MCF2L2: variants seen among roughly 807,000 people sequenced by gnomAD.
MCF2L2 encodes the protein probable guanine nucleotide exchange factor MCF2L2.
Under a neutral mutation model 150.2 loss-of-function variants are expected in MCF2L2, and 102 were observed. The ratio of observed to expected loss-of-function variants is 0.68; its 90% CI spans 0.58 to 0.80. MCF2L2 has a LOEUF of 0.80. MCF2L2 is among the 30% of genes least tolerant of loss of function. MCF2L2 has a pLI of 0.00. For synonymous variants in MCF2L2, 465 were observed against 491.3 expected (o/e 0.95, Z 0.71); for missense variants, 1,256 against 1,372.8 (o/e 0.91, Z 1.34).
In MCF2L2 at chr3:183,179,531, C is replaced by A. The variant is rs774568367; in HGVS notation, c.3222-28G>T. On this transcript the variant is annotated intron_variant, in intron 29 of 29. Transcript: ENST00000328913. The surrounding 1 kb of genome is among the most constrained non-coding windows in gnomAD (Gnocchi z 4.2). Reference sequence around the variant, plus strand: ...GCAATTCCGAGAAGAAAGTCAGAGACGCCGTGGCCCAAAGAGGCGCTTAGT... The same window carrying A: ...GCAATTCCGAGAAGAAAGTCAGAGAAGCCGTGGCCCAAAGAGGCGCTTAGT... 4 of 1,611,316 alleles carry A rather than the reference C, an allele frequency of 2.5e-6. No individual in the cohort carries two copies. The highest frequency in any genetic ancestry group is 3.4e-6 in the Non-Finnish European group (4 of 1,178,112).
intron 22 of MCF2L2, among the ~76,000 whole-genome samples, chr3:183,213,480 C>G (rs1722809804): frequency 2.0e-5 from 3 of 151,942 alleles, no homozygotes; most frequent in Admixed American, 2.0e-4. Flanking sequence ...CATTCAATTT[C>G]TTTCCTTTAT....
intron 15 of MCF2L2, among the ~76,000 whole-genome samples, chr3:183,260,798 A>G (rs73884612): frequency 0.15 from 22,792 of 152,198 alleles, 3,971 homozygotes; most frequent in African/African-American, 0.42. Flanking sequence ...TTTCCCCTCT[A>G]TCCCAAAGCC....
At position 183,321,679 on chromosome 3, in the gene MCF2L2, G is replaced by A. The variant is rs1729820563; in HGVS notation, c.603+1556C>T. ...ATAATAAAATGAAACACGACTGTAT[G>A]TGTGTGTATAAAAAATATATACATG... is the stretch of plus-strand genomic sequence containing the variant. On this transcript the variant is annotated intron_variant, in intron 6 of 29. Transcript: ENST00000328913. 2.6e-5 allele frequency among the ~76,000 whole-genome samples: 4 copies of A among 152,306 alleles called. No individual in the cohort carries two copies. The South Asian group carries it at 8.3e-4, about 32-fold the overall frequency.
At position 183,215,972 on chromosome 3, in the gene MCF2L2, A is replaced by G. The variant is rs1458688201; in HGVS notation, c.2493T>C (p.Cys831=). 3 of 1,613,272 alleles carry G rather than the reference A, an allele frequency of 1.9e-6. No individual in the cohort carries two copies. The highest frequency in any genetic ancestry group is 3.3e-5 in the Admixed American group (2 of 59,936). ...LAVDLAAVTE[C]PDDIGKLGKL... is the part of the protein sequence containing the mutation. ...CTAACACTACTATGGAACATACCGG[A>G]CATTCAGTCACTGCTGCTAGGTCCA... The change falls in exon 22 of 30, where the codon TGT becomes TGC. Residue 831 remains cysteine (C), a synonymous_variant. Coordinates refer to ENST00000328913, the MANE Select transcript of MCF2L2 (RefSeq NM_015078.4).
intron 2 of MCF2L2, among the ~76,000 whole-genome samples, chr3:183,385,645 A>G (rs1242953832): frequency 6.6e-6 from 1 of 152,260 alleles, no homozygotes. Context: ...AACAACCATC[A>G]AGATAAATAT....
At chr3:183,427,800 C>G (rs534577975) in intron 1 of MCF2L2, 102 bp downstream of exon 1, 24 of 1,003,308 alleles carry the variant, frequency 2.4e-5, no homozygotes, top group East Asian at 2.2e-4. Flanking sequence ...CCAGGAAGCG[C>G]GCTGCCCCGG....
At chr3:183,333,820 G>C (rs553123299) in intron 5 of MCF2L2, among the ~76,000 whole-genome samples, 2 of 152,146 alleles carry the variant, frequency 1.3e-5, no homozygotes, top group Non-Finnish European at 2.9e-5. Context: ...AGCACATCTT[G>C]CATCCAGATC....
intron 3 of MCF2L2, among the ~76,000 whole-genome samples, chr3:183,360,275 G>C (rs1046713752): frequency 6.6e-6 from 1 of 152,170 alleles, no homozygotes; most frequent in Non-Finnish European, 1.5e-5. Context: ...AAGCCATCCA[G>C]GCCAGATTGG....
chr3:183,304,664 G>A (rs1372592121), intron 10 of MCF2L2, among the ~76,000 whole-genome samples: 1 of 151,378 alleles, frequency 6.6e-6, no homozygotes, highest in Non-Finnish European at 1.5e-5. Flanking sequence ...AGCAGAGATG[G>A]GGTTTCACCA....
At chr3:183,248,130 T>C (rs1724341563) in intron 15 of MCF2L2, among the ~76,000 whole-genome samples, 1 of 152,184 alleles carries the variant, frequency 6.6e-6, no homozygotes, top group Non-Finnish European at 1.5e-5. Flanking sequence ...CCAAGAGGGT[T>C]TACTTATTTA....
intron 6 of MCF2L2, among the ~76,000 whole-genome samples, chr3:183,323,026 G>A (rs1378655925): frequency 6.6e-5 from 10 of 152,228 alleles, no homozygotes; most frequent in African/African-American, 2.4e-4. Flanking sequence ...CACACCGGGA[G>A]ATGCAGTGGG....
chr3:183,312,452 G>A (rs2108510692), intron 7 of MCF2L2, among the ~76,000 whole-genome samples: 1 of 152,282 alleles, frequency 6.6e-6, no homozygotes, highest in East Asian at 1.9e-4. Flanking sequence ...TCGTTGCCCT[G>A]AGCCTTACCC....
rs1411808474 is a variant in MCF2L2, at chr3:183,178,471, AAAT to A, written c.*906_*908del. The A allele has an allele frequency of 5.3e-5, 1 of 18,720 alleles. No individual in the cohort carries two copies. Among genetic ancestry groups the A allele is most frequent in the Non-Finnish European group, 2.4e-4 (1 of 4,254 alleles). 1.2% of individuals were successfully genotyped at this position (18,720 alleles called of 1,614,324 possible). A position where few individuals can be genotyped will look rare whatever the true frequency, so the allele number is the denominator to read the frequency against. On this transcript the variant is annotated 3_prime_UTR_variant, in exon 30 of 30. Coordinates refer to ENST00000328913, the MANE Select transcript of MCF2L2 (RefSeq NM_015078.4). ...CGACAGAGCGAGACTCCGTCTCGAAAAATAAATAAATAAATAAATAAATAAATT... is the reference window on the plus strand; with the variant it reads ...CGACAGAGCGAGACTCCGTCTCGAAAAAATAAATAAATAAATAAATAAATT...
chr3:183,277,266 G>A (rs2108459873), intron 14 of MCF2L2, among the ~76,000 whole-genome samples: 1 of 151,704 alleles, frequency 6.6e-6, no homozygotes, highest in African/African-American at 2.4e-5. Flanking sequence ...GAACCTGGGA[G>A]GCGGAGGTTG....
At chr3:183,337,030 T>C (rs1466752539) in intron 5 of MCF2L2, among the ~76,000 whole-genome samples, 1 of 152,170 alleles carries the variant, frequency 6.6e-6, no homozygotes, top group East Asian at 1.9e-4. Flanking sequence ...ATAATCATAC[T>C]GTTCAGTGTC....
intron 3 of MCF2L2, among the ~76,000 whole-genome samples, chr3:183,355,613 A>ATTTTTTTTTTTTTTT (rs71185653): frequency 1.2e-4 from 10 of 84,432 alleles, no homozygotes; most frequent in Non-Finnish European, 1.5e-4. Context: ...CGCCCAGCTA[A>ATTTTTTTTTTTTTTT]TTTTTTTTTT....
intron 15 of MCF2L2, chr3:183,265,860 A>G (rs1726067209): frequency 6.6e-6 from 1 of 152,236 alleles, no homozygotes; most frequent in African/African-American, 2.4e-5. Context: ...AAAAAATTCA[A>G]ACTACTGAGG....
intron 25 of MCF2L2, among the ~76,000 whole-genome samples, chr3:183,203,045 C>A (rs75531149): frequency 6.6e-6 from 1 of 151,996 alleles, no homozygotes; most frequent in East Asian, 1.9e-4. Flanking sequence ...CCCATCTCTA[C>A]TAAAAGAAAA....
At chr3:183,404,341 C>G (rs1382523102) in intron 1 of MCF2L2, among the ~76,000 whole-genome samples, 2 of 152,094 alleles carry the variant, frequency 1.3e-5, no homozygotes, top group African/African-American at 4.8e-5. Flanking sequence ...ATTACAGGTA[C>G]GGCATCATTC....
Sources: allele counts gnomAD v4.1 joint callset (sites outside exome capture counted in the v4.1 genomes callset), GRCh38; gene constraint gnomAD v4.1.1; non-coding constraint Gnocchi (gnomAD v3.1); transcripts MANE v1.5; gene names NCBI Gene and HGNC (gene_info 2026-07-23, HGNC 2026-07-21).